ATP6V0A2: variants seen among roughly 807,000 people sequenced by gnomAD.
ATP6V0A2 encodes the protein ATPase H+ transporting V0 subunit a2.
A neutral mutation model predicts 104.4 loss-of-function variants in ATP6V0A2; 58 were observed. The ratio of observed to expected loss-of-function variants is 0.56; its 90% CI spans 0.45 to 0.69. ATP6V0A2 has a LOEUF of 0.69. ATP6V0A2 is among the 30% of genes least tolerant of loss of function. ATP6V0A2 has a pLI of 0.00. For missense variants in ATP6V0A2, 938 were observed against 1,062.9 expected (o/e 0.88, Z 1.63); for synonymous variants, 376 against 397.9 (o/e 0.95, Z 0.65).
Position 123,751,481 on chromosome 12 carries a change from C to T in ATP6V0A2, c.2055+252C>T, listed in dbSNP as rs7973463. 0.05 allele frequency among the ~76,000 whole-genome samples: 7,572 copies of T among 151,882 alleles called. 556 individuals are homozygous for T. The highest frequency in any genetic ancestry group is 0.16 in the African/African-American group (6,757 of 41,366). ...ACCAGCCTGGGCAACATGGCGAAAC[C>T]CTGTCTCTACCAAGAATACAAAAAT... On this transcript the variant is annotated intron_variant, in intron 16 of 19. Transcript: ENST00000330342.
chr12:123,737,633 GAGTAATTCAT>G (rs1484238108), intron 9 of ATP6V0A2: 1 of 313,404 alleles, frequency 3.2e-6, no homozygotes, highest in Non-Finnish European at 6.2e-6. Flanking sequence ...TTGCTCTTTT[GAGTAATTCAT>G]TCACATGGTG....
intron 4 of ATP6V0A2, among the ~76,000 whole-genome samples, 200 bp from the exon 5 acceptor site, chr12:123,725,997 A>G (rs912832275): frequency 5.3e-5 from 8 of 152,148 alleles, no homozygotes; most frequent in Non-Finnish European, 1.0e-4. Flanking sequence ...AATGTCTTCA[A>G]TTGGCTTACA....
At chr12:123,720,672 G>T (rs1175546071) in intron 2 of ATP6V0A2, among the ~76,000 whole-genome samples, 1 of 152,102 alleles carries the variant, frequency 6.6e-6, no homozygotes, top group East Asian at 1.9e-4. Context: ...CTCCAGCCTG[G>T]GCAGCAGGGT....
rs756166511 is a variant in ATP6V0A2 at position 123,726,171 on chromosome 12, A to C, written c.433-26A>C. On this transcript the variant is annotated intron_variant, in intron 4 of 19. Coordinates refer to ENST00000330342, the MANE Select transcript of ATP6V0A2 (RefSeq NM_012463.4). ...TAAAGTGTCACTTTTAATGAGACACACTTGGTTTCATATGTTTATTTCTAG... is the reference window on the plus strand; with the variant it reads ...TAAAGTGTCACTTTTAATGAGACACCCTTGGTTTCATATGTTTATTTCTAG... The C allele has an allele frequency of 2.2e-5, 33 of 1,533,380 alleles. No homozygotes were observed. In the East Asian group the frequency reaches 7.2e-4, roughly 33 times the overall value. 95.0% of individuals were successfully genotyped at this position (1,533,380 alleles called of 1,614,324 possible). A position where few individuals can be genotyped will look rare whatever the true frequency, so the allele number is the denominator to read the frequency against.
chr12:123,738,869 C>T (rs755594862), intron 9 of ATP6V0A2: 1 of 152,106 alleles, frequency 6.6e-6, no homozygotes. Flanking sequence ...TGTGATGATA[C>T]AAATGTAAAA....
At chr12:123,738,396 A>G (rs77954323) in intron 9 of ATP6V0A2, among the ~76,000 whole-genome samples, 2 of 147,430 alleles carry the variant, frequency 1.4e-5, no homozygotes, top group African/African-American at 2.5e-5. Flanking sequence ...CTTTGTCTCA[A>G]AAAAAAAAAA....
chr12:123,735,142 C>CGTGTGTGTGT lies in ATP6V0A2; in HGVS notation c.732-374_732-365dup, dbSNP rs56266144. 1.9e-3 allele frequency among the ~76,000 whole-genome samples: 280 copies of CGTGTGTGTGT among 148,496 alleles called. 2 individuals are homozygous for CGTGTGTGTGT. Among genetic ancestry groups the CGTGTGTGTGT allele is most frequent in the South Asian group, 4.5e-3 (21 of 4,620 alleles). On this transcript the variant is annotated intron_variant, in intron 7 of 19. Coordinates refer to ENST00000330342, the MANE Select transcript of ATP6V0A2 (RefSeq NM_012463.4). Reference sequence around the variant, plus strand: ...CAGAGCTCTTTTCTCCTTTTGTTTTCGTGTGTGTGTGTGTGTGTGTGTGTC... The same window carrying CGTGTGTGTGT: ...CAGAGCTCTTTTCTCCTTTTGTTTTCGTGTGTGTGTGTGTGTGTGTGTGTGTGTGTGTGTC...
intron 2 of ATP6V0A2, among the ~76,000 whole-genome samples, chr12:123,719,954 G>T (rs925290418): frequency 1.3e-5 from 2 of 152,168 alleles, no homozygotes; most frequent in African/African-American, 2.4e-5. Context: ...TCTCTCCCCC[G>T]TATAAACCCC....
intron 17 of ATP6V0A2, 106 bp from the exon 18 acceptor site, chr12:123,754,314 A>C: frequency 1.1e-6 from 1 of 878,090 alleles, no homozygotes; most frequent in Non-Finnish European, 1.9e-6. Flanking sequence ...ACCAGCATCC[A>C]GCCGGCAGCT....
intron 17 of ATP6V0A2, 144 bp downstream of exon 17, chr12:123,752,546 G>A (rs776046609): frequency 7.3e-5 from 73 of 1,002,578 alleles, no homozygotes; most frequent in African/African-American, 9.9e-5. Flanking sequence ...AGAAACCAGC[G>A]CTTTCCAAAT....
At position 123,712,580 on chromosome 12, in the gene ATP6V0A2, C is replaced by T; in HGVS notation, c.15C>T (p.Phe5=). The change falls in exon 1 of 20, where the codon TTC becomes TTT. Residue 5 remains phenylalanine (F), a synonymous_variant. Coordinates refer to ENST00000330342, the MANE Select transcript of ATP6V0A2 (RefSeq NM_012463.4). MGSL[F]RSETMCLAQL... is the part of the protein sequence containing the mutation. The stretch of plus-strand genomic sequence containing the variant: ...GTCGGCCCGCCATGGGGTCCCTGTT[C>T]CGGAGCGAGACCATGTGCCTGGCGC... 4 of 1,596,050 alleles carry T rather than the reference C, an allele frequency of 2.5e-6. No homozygotes were observed. Among genetic ancestry groups the T allele is most frequent in the Non-Finnish European group, 3.4e-6 (4 of 1,173,562 alleles).
chr12:123,726,499 T>A (rs538818517), intron 5 of ATP6V0A2, among the ~76,000 whole-genome samples: 2 of 152,350 alleles, frequency 1.3e-5, no homozygotes, highest in African/African-American at 4.8e-5. Context: ...GAAATTTCTT[T>A]TGGTATAATG....
At chr12:123,757,874 A>T in intron 19 of ATP6V0A2, 53 bp from the exon 20 acceptor site, 2 of 1,115,588 alleles carry the variant, frequency 1.8e-6, no homozygotes, top group Non-Finnish European at 2.6e-6. Context: ...ATGTTGTTTT[A>T]AGGAATGTGA....
At chr12:123,714,836 C>T (rs973407079) in intron 1 of ATP6V0A2, among the ~76,000 whole-genome samples, 1 of 152,188 alleles carries the variant, frequency 6.6e-6, no homozygotes, top group Non-Finnish European at 1.5e-5. Context: ...AATCCCAGCA[C>T]TTTCGGAGGC....
chr12:123,712,786 C>A, intron 1 of ATP6V0A2, 104 bp downstream of exon 1: 2 of 991,810 alleles, frequency 2.0e-6, no homozygotes, highest in Non-Finnish European at 3.1e-6. Flanking sequence ...AAGGGCGCGC[C>A]CCGTCCCCAT....
chr12:123,753,038 TGCTGCCTCAGTCCCCTTTACGAGTGACC>T (rs1263161604), intron 17 of ATP6V0A2, among the ~76,000 whole-genome samples: 1 of 152,212 alleles, frequency 6.6e-6, no homozygotes, highest in Non-Finnish European at 1.5e-5. Context: ...GACCAGTGAC[TGCTGCCTCAGTCCCCTTTACGAGTGACC>T]GCTGCCTCAG....
intron 15 of ATP6V0A2, 47 bp from the exon 16 acceptor site, chr12:123,751,063 G>T (rs759445865): frequency 6.2e-7 from 1 of 1,613,290 alleles, no homozygotes; most frequent in Non-Finnish European, 8.5e-7. Context: ...GACCCTGCAG[G>T]CAGGCCTTCA....
chr12:123,737,303 CAG>C (rs1445692340), intron 9 of ATP6V0A2, 32 bp downstream of exon 9: 1 of 1,601,018 alleles, frequency 6.2e-7, no homozygotes, highest in Non-Finnish European at 8.6e-7. Flanking sequence ...CTGCCAGGAA[CAG>C]AAGAGAGACT....
At position 123,744,836 on chromosome 12, in the gene ATP6V0A2, C is replaced by T; in HGVS notation, c.1515-46C>T. On this transcript the variant is annotated intron_variant, in intron 12 of 19. Coordinates refer to ENST00000330342, the MANE Select transcript of ATP6V0A2 (RefSeq NM_012463.4). The surrounding 1 kb of genome is among the most constrained non-coding windows in gnomAD (Gnocchi z 5.4). ...CTGGGTGGAAAGCATGTTTCCTAGA[C>T]CTTCCTCCTCCCAGGTCAGCCTCCT... The T allele has an allele frequency of 6.2e-7, 1 of 1,614,026 alleles. No homozygotes were observed. The highest frequency in any genetic ancestry group is 1.7e-5 in the Admixed American group (1 of 60,024).
Sources: gnomAD v4.1 joint callset for allele counts (sites outside exome capture counted in the v4.1 genomes callset) on GRCh38, gnomAD v4.1.1 for gene constraint, Gnocchi (gnomAD v3.1) non-coding constraint, MANE v1.5 for transcripts, NCBI Gene and HGNC (gene_info 2026-07-23, HGNC 2026-07-21) for gene names.